AGAP1: variants seen among roughly 807,000 people sequenced by gnomAD.
AGAP1 encodes the protein ArfGAP with GTPase domain, ankyrin repeat and PH domain 1.
Under a neutral mutation model 105.3 loss-of-function variants are expected in AGAP1, and 29 were observed. The ratio of observed to expected loss-of-function variants is 0.28; its 90% CI spans 0.21 to 0.38. AGAP1 has a LOEUF of 0.38. Among genes scored for constraint, AGAP1 ranks in the 10% least tolerant of loss-of-function variants. The pLI, the probability that AGAP1 is intolerant of heterozygous loss-of-function variation, is 1.00. For synonymous variants in AGAP1, 509 were observed against 485.9 expected (o/e 1.05, Z -0.63); for missense variants, 998 against 1,165.1 (o/e 0.86, Z 2.09).
In AGAP1 at chr2:236,104,380, G is replaced by A. The variant is rs1281621825; in HGVS notation, c.2115-15812G>A. On this transcript the variant is annotated intron_variant, in intron 16 of 17. Transcript: ENST00000304032. This position sits in a 1 kb window ranked among gnomAD's most constrained non-coding sequence, Gnocchi z 4.7. The stretch of plus-strand genomic sequence containing the variant: ...GTCCCCCAGCGGTGCTCCTAGACAG[G>A]TGGAGACCTCAATCCTGCAGCCTCA... Among the ~76,000 whole-genome samples, 2 of 152,246 alleles carry A rather than the reference G, an allele frequency of 1.3e-5. No individual in the cohort carries two copies. The highest frequency in any genetic ancestry group is 2.9e-5 in the Non-Finnish European group (2 of 68,040).
chr2:235,993,982 G>GTT lies in AGAP1; in HGVS notation c.1645+25367_1645+25368dup, dbSNP rs201778619. 1.7e-4 allele frequency among the ~76,000 whole-genome samples: 25 copies of GTT among 151,276 alleles called. No homozygotes were observed. The highest frequency in any genetic ancestry group is 4.4e-4 in the African/African-American group (18 of 41,214). On this transcript the variant is annotated intron_variant, in intron 13 of 17. Transcript: ENST00000304032. This position sits in a 1 kb window ranked among gnomAD's most constrained non-coding sequence, Gnocchi z 5.0. ...TGTCCTAGGAACACAGGTCCTAGGT[G>GTT]TTTTTTTTTAGCTTGGGAAAGTTAC...
intron 1 of AGAP1, among the ~76,000 whole-genome samples, chr2:235,688,502 A>G (rs1416127791): frequency 6.6e-6 from 1 of 152,118 alleles, no homozygotes; most frequent in Non-Finnish European, 1.5e-5. Flanking sequence ...CTCTTGGGGT[A>G]CTTTAGTATG....
chr2:235,552,280 T>C lies in AGAP1; in HGVS notation c.163+57431T>C, dbSNP rs1012380531. Among the ~76,000 whole-genome samples the C allele has an allele frequency of 4.3e-4, 66 of 152,166 alleles. No individual in the cohort carries two copies. The highest frequency in any genetic ancestry group is 1.5e-3 in the African/African-American group (63 of 41,448). The stretch of plus-strand genomic sequence containing the variant: ...AGTTTCTGCAGGAAAGAGAGAGACA[T>C]TGGTGCCAAGAAATCCTATCGGGGA... On this transcript the variant is annotated intron_variant, in intron 1 of 17. Transcript: ENST00000304032. This position sits in a 1 kb window ranked among gnomAD's most constrained non-coding sequence, Gnocchi z 5.9.
chr2:235,840,958 C>T (rs1473747219), intron 9 of AGAP1, among the ~76,000 whole-genome samples: 5 of 151,588 alleles, frequency 3.3e-5, no homozygotes, highest in South Asian at 2.1e-4. Flanking sequence ...ACCAGAGAAG[C>T]GGGAAAGAAA....
chr2:235,562,628 C>A (rs1228937446), intron 1 of AGAP1, among the ~76,000 whole-genome samples: 1 of 152,200 alleles, frequency 6.6e-6, no homozygotes, highest in Non-Finnish European at 1.5e-5. Flanking sequence ...CACATGCCTT[C>A]TTTTGTGAAA....
intron 16 of AGAP1, among the ~76,000 whole-genome samples, chr2:236,112,071 C>T (rs1015025743): frequency 1.3e-5 from 2 of 152,176 alleles, no homozygotes; most frequent in East Asian, 3.9e-4. Flanking sequence ...GTGCAGCCTG[C>T]ATGTGATGAT....
intron 9 of AGAP1, chr2:235,852,570 A>G (rs2048517986): frequency 9.9e-7 from 1 of 1,009,274 alleles, no homozygotes. Context: ...TTATCTCTTA[A>G]TGAATAGAGA....
In AGAP1 at chr2:236,000,866, G is replaced by A. The variant is rs2056090037; in HGVS notation, c.1645+32243G>A. Among the ~76,000 whole-genome samples, 1 of 152,194 alleles carries A rather than the reference G, an allele frequency of 6.6e-6. No homozygotes were observed. ...CTTCCAGGCACAGAGAGTGGCTGAT[G>A]AGAAAGGGCCTGTGTGGAAGGAACC... On this transcript the variant is annotated intron_variant, in intron 13 of 17. Transcript: ENST00000304032. The surrounding 1 kb of genome is among the most constrained non-coding windows in gnomAD (Gnocchi z 4.3).
At position 235,631,272 on chromosome 2, in the gene AGAP1, C is replaced by A. The variant is rs981169768; in HGVS notation, c.164-77907C>A. Among the ~76,000 whole-genome samples, 6 of 152,168 alleles carry A rather than the reference C, an allele frequency of 3.9e-5. No homozygotes were observed. The highest frequency in any genetic ancestry group is 7.3e-5 in the Non-Finnish European group (5 of 68,036). Reference sequence around the variant, plus strand: ...TCCCAGGGTAACAAAAGGGTGGTGTCCCCTAAAGGCTTGGAAGGATTGAGT... The same window carrying A: ...TCCCAGGGTAACAAAAGGGTGGTGTACCCTAAAGGCTTGGAAGGATTGAGT... On this transcript the variant is annotated intron_variant, in intron 1 of 17. Transcript: ENST00000304032. The surrounding 1 kb of genome is among the most constrained non-coding windows in gnomAD (Gnocchi z 5.4).
Position 235,769,376 on chromosome 2 carries a change from G to C in AGAP1, c.673+18888G>C, listed in dbSNP as rs1002755882. Among the ~76,000 whole-genome samples, 1 of 152,194 alleles carries C rather than the reference G, an allele frequency of 6.6e-6. No individual in the cohort carries two copies. The highest frequency in any genetic ancestry group is 1.5e-5 in the Non-Finnish European group (1 of 68,050). Reference sequence around the variant, plus strand: ...TTTTTCCTCCAGTGGCAAGGTTTGCGTGGTCTTCACTCTTTTGCAGAAAAT... The same window carrying C: ...TTTTTCCTCCAGTGGCAAGGTTTGCCTGGTCTTCACTCTTTTGCAGAAAAT... On this transcript the variant is annotated intron_variant, in intron 6 of 17. Transcript: ENST00000304032. This position sits in a 1 kb window ranked among gnomAD's most constrained non-coding sequence, Gnocchi z 4.4.
At position 236,104,519 on chromosome 2, in the gene AGAP1, G is replaced by C. The variant is rs1256190753; in HGVS notation, c.2115-15673G>C. On this transcript the variant is annotated intron_variant, in intron 16 of 17. Coordinates refer to ENST00000304032, the MANE Select transcript of AGAP1 (RefSeq NM_001037131.3). This position sits in a 1 kb window ranked among gnomAD's most constrained non-coding sequence, Gnocchi z 4.7. ...TTCCTTGGGGGCACAGGGCTGTGAGGGTCAGGACCACCATCAGAATCCCTT... is the reference window on the plus strand; with the variant it reads ...TTCCTTGGGGGCACAGGGCTGTGAGCGTCAGGACCACCATCAGAATCCCTT... 6.6e-6 allele frequency among the ~76,000 whole-genome samples: 1 copy of C among 152,238 alleles called. No homozygotes were observed. The highest frequency in any genetic ancestry group is 1.5e-5 in the Non-Finnish European group (1 of 68,036).
intron 15 of AGAP1, among the ~76,000 whole-genome samples, chr2:236,047,470 T>G (rs990623491): frequency 6.6e-6 from 1 of 151,870 alleles, no homozygotes; most frequent in Non-Finnish European, 1.5e-5. Context: ...TGGTTCTGAC[T>G]GCGCTTTTCA....
At chr2:235,499,321 G>T (rs1481801710) in intron 1 of AGAP1, among the ~76,000 whole-genome samples, 1 of 152,200 alleles carries the variant, frequency 6.6e-6, no homozygotes, top group Non-Finnish European at 1.5e-5. Context: ...GCTGACTGTG[G>T]CAAAACTTCC....
rs565839043 is a variant in AGAP1, at chr2:236,040,516, C to T, written c.1801-235C>T. ...CTCTTTGCTCATTTCTGGCAGAGTC[C>T]GTCTCAGCTGATGAGTTAAAATGTG... On this transcript the variant is annotated intron_variant, in intron 14 of 17. Coordinates refer to ENST00000304032, the MANE Select transcript of AGAP1 (RefSeq NM_001037131.3). This position sits in a 1 kb window ranked among gnomAD's most constrained non-coding sequence, Gnocchi z 5.6. 6 of 533,810 alleles carry T rather than the reference C, an allele frequency of 1.1e-5. No homozygotes were observed. Among genetic ancestry groups the T allele is most frequent in the South Asian group, 2.2e-5 (1 of 46,064 alleles). The allele number at this position is 533,810 out of a possible 1,614,324, so 33.1% of individuals were successfully genotyped here.
rs548962991 is a variant in AGAP1 at position 235,621,322 on chromosome 2, G to T, written c.164-87857G>T. ...CAGGTGTGAGCCACCACGCCCAGCC[G>T]ATCTATTTAATTTCATTGTGCCTTG... On this transcript the variant is annotated intron_variant, in intron 1 of 17. Coordinates refer to ENST00000304032, the MANE Select transcript of AGAP1 (RefSeq NM_001037131.3). This position sits in a 1 kb window ranked among gnomAD's most constrained non-coding sequence, Gnocchi z 4.1. Among the ~76,000 whole-genome samples, 16 of 152,012 alleles carry T rather than the reference G, an allele frequency of 1.1e-4. No individual in the cohort carries two copies. Among genetic ancestry groups the T allele is most frequent in the African/African-American group, 3.9e-4 (16 of 41,398 alleles).
At chr2:236,116,457 C>T (rs181034801) in intron 16 of AGAP1, among the ~76,000 whole-genome samples, 105 of 151,128 alleles carry the variant, frequency 6.9e-4, no homozygotes, top group African/African-American at 2.5e-3. Context: ...TCAAGCAATT[C>T]TCCTGCATCA....
At chr2:236,100,744 C>T (rs1471362178) in intron 16 of AGAP1, among the ~76,000 whole-genome samples, 3 of 151,632 alleles carry the variant, frequency 2.0e-5, no homozygotes, top group Admixed American at 6.6e-5. Flanking sequence ...GCAGGAGAAT[C>T]GCTTAAGCCC....
chr2:235,611,283 G>A lies in AGAP1; in HGVS notation c.164-97896G>A, dbSNP rs980304777. Among the ~76,000 whole-genome samples, 13 of 152,218 alleles carry A rather than the reference G, an allele frequency of 8.5e-5. No individual in the cohort carries two copies. Among genetic ancestry groups the A allele is most frequent in the African/African-American group, 2.2e-4 (9 of 41,462 alleles). ...CCCTTGTGGCCCACACAACACTTTCGTTGGAGATGAAGAGTCTCCCTTTCA... is the reference window on the plus strand; with the variant it reads ...CCCTTGTGGCCCACACAACACTTTCATTGGAGATGAAGAGTCTCCCTTTCA... On this transcript the variant is annotated intron_variant, in intron 1 of 17. Coordinates refer to ENST00000304032, the MANE Select transcript of AGAP1 (RefSeq NM_001037131.3). This position sits in a 1 kb window ranked among gnomAD's most constrained non-coding sequence, Gnocchi z 5.0.
At position 236,027,746 on chromosome 2, in the gene AGAP1, A is replaced by G. The variant is rs1435774970; in HGVS notation, c.1646-8815A>G. Among the ~76,000 whole-genome samples the G allele has an allele frequency of 6.6e-6, 1 of 152,092 alleles. No individual in the cohort carries two copies. Among genetic ancestry groups the G allele is most frequent in the African/African-American group, 2.4e-5 (1 of 41,430 alleles). On this transcript the variant is annotated intron_variant, in intron 13 of 17. Coordinates refer to ENST00000304032, the MANE Select transcript of AGAP1 (RefSeq NM_001037131.3). This position sits in a 1 kb window ranked among gnomAD's most constrained non-coding sequence, Gnocchi z 4.4. ...GGATGAACCATCTGGTCAAAACAGA[A>G]CAGAAACCCCAAAGAGCTGTTCATC...
Sources: gnomAD v4.1 joint callset for allele counts (sites outside exome capture counted in the v4.1 genomes callset) on GRCh38, gnomAD v4.1.1 for gene constraint, Gnocchi (gnomAD v3.1) non-coding constraint, MANE v1.5 for transcripts, NCBI Gene and HGNC (gene_info 2026-07-23, HGNC 2026-07-21) for gene names.